PGM5: variants seen among roughly 807,000 people sequenced by gnomAD.
PGM5 encodes phosphoglucomutase 5, also known as phosphoglucomutase-like protein 5.
Under a neutral mutation model 59.2 loss-of-function variants are expected in PGM5, and 23 were observed. That is an observed-to-expected ratio of 0.39 (90% confidence interval 0.28 to 0.55). The LOEUF is 0.55. Among genes scored for constraint, PGM5 ranks in the 20% least tolerant of loss-of-function variants. The pLI is 0.66. For missense variants in PGM5, 574 were observed against 748.3 expected, an observed-to-expected ratio of 0.77 and a Z score of 2.72; for synonymous variants, 214 against 286.0, an observed-to-expected ratio of 0.75 and a Z score of 2.54.
chr9:68,374,261 C>T (rs1481630533), intron 1 of PGM5, among the ~76,000 whole-genome samples: 1 of 152,224 alleles, frequency 6.6e-6, no homozygotes, highest in Non-Finnish European at 1.5e-5. Context: ...AGGGCAGTGA[C>T]TAAATTATAT....
intron 10 of PGM5, among the ~76,000 whole-genome samples, chr9:68,522,662 TG>T (rs1309523839): frequency 2.6e-5 from 4 of 152,252 alleles, no homozygotes; most frequent in Admixed American, 6.5e-5. Flanking sequence ...TATTTTAATT[TG>T]CTTAAAATTT....
intron 6 of PGM5, among the ~76,000 whole-genome samples, chr9:68,430,886 A>G (rs1554682957): frequency 6.6e-6 from 1 of 152,234 alleles, no homozygotes; most frequent in African/African-American, 2.4e-5. Flanking sequence ...TAATTAGAGT[A>G]TTCATCATAA....
At chr9:68,438,286 CAAAAAAAAA>C (rs34047393) in intron 6 of PGM5, among the ~76,000 whole-genome samples, 10 of 34,830 alleles carry the variant, frequency 2.9e-4, no homozygotes, top group South Asian at 2.7e-3. Flanking sequence ...GAGACTCTGT[CAAAAAAAAA>C]AAAAAAAAAA....
intron 6 of PGM5, among the ~76,000 whole-genome samples, chr9:68,450,870 GA>G (rs1823686472): frequency 6.6e-6 from 1 of 152,220 alleles, no homozygotes; most frequent in African/African-American, 2.4e-5. Flanking sequence ...GAAATTGACA[GA>G]GAAAATGTGA....
intron 6 of PGM5, among the ~76,000 whole-genome samples, chr9:68,398,876 T>C (rs1480191471): frequency 2.0e-5 from 3 of 152,224 alleles, no homozygotes; most frequent in African/African-American, 7.2e-5. Flanking sequence ...ATACTCATCG[T>C]TGAACAATCC....
At chr9:68,377,626 T>C (rs1821955819) in intron 1 of PGM5, among the ~76,000 whole-genome samples, 1 of 152,168 alleles carries the variant, frequency 6.6e-6, no homozygotes, top group East Asian at 1.9e-4. Context: ...CATGACTGGG[T>C]AATTTCTCCA....
At chr9:68,487,625 C>T (rs1824318740) in intron 9 of PGM5, among the ~76,000 whole-genome samples, 1 of 152,098 alleles carries the variant, frequency 6.6e-6, no homozygotes, top group East Asian at 1.9e-4. Flanking sequence ...GATTGATGAT[C>T]CCAAGGTAGT....
At position 68,391,211 on chromosome 9, in the gene PGM5, A is replaced by C. The variant is rs1336632827; in HGVS notation, c.698-323A>C. Among the ~76,000 whole-genome samples the C allele has an allele frequency of 5.3e-5, 8 of 151,448 alleles. 1 individual carries two copies. The South Asian group carries it at 6.3e-4, about 12-fold the overall frequency. ...CATATATTCAGCTAAAACTTTTAAT[A>C]CATGAAAAGCAACAGACAATGAATC... is the stretch of plus-strand genomic sequence containing the variant. On this transcript the variant is annotated intron_variant, in intron 4 of 10. Coordinates refer to ENST00000396396, the MANE Select transcript of PGM5 (RefSeq NM_021965.4).
At chr9:68,468,996 C>A (rs1189176916) in intron 7 of PGM5, among the ~76,000 whole-genome samples, 5 of 152,216 alleles carry the variant, frequency 3.3e-5, no homozygotes, top group African/African-American at 1.2e-4. Context: ...CAGCTCACTG[C>A]AACCTCTGCT....
chr9:68,372,489 A>G, intron 1 of PGM5, among the ~76,000 whole-genome samples: 1 of 152,036 alleles, frequency 6.6e-6, no homozygotes, highest in Non-Finnish European at 1.5e-5. Flanking sequence ...TGGTACCATA[A>G]GGAGACTCAG....
rs781796598 is a variant in PGM5, at chr9:68,357,404, C to A, written c.261+16C>A. On this transcript the variant is annotated intron_variant, in intron 1 of 10. Coordinates refer to ENST00000396396, the MANE Select transcript of PGM5 (RefSeq NM_021965.4). ...GGCCAACGGGGTGAGTGTCCGGATG[C>A]CCCTCGCTTCCCGCCGCGCCGCCGC... 12 of 1,552,370 alleles carry A rather than the reference C, an allele frequency of 7.7e-6. No homozygotes were observed. The highest frequency in any genetic ancestry group is 2.4e-5 in the East Asian group (1 of 41,238).
intron 10 of PGM5, among the ~76,000 whole-genome samples, chr9:68,521,461 C>G (rs1824898790): frequency 6.6e-6 from 1 of 152,120 alleles, no homozygotes; most frequent in Non-Finnish European, 1.5e-5. Flanking sequence ...ACTGGAGAGG[C>G]AAAGGTCCTT....
chr9:68,423,771 C>T (rs1385143566), intron 6 of PGM5, among the ~76,000 whole-genome samples: 2 of 152,112 alleles, frequency 1.3e-5, no homozygotes, highest in Non-Finnish European at 2.9e-5. Flanking sequence ...CCCTCAAATA[C>T]TACACCATGT....
chr9:68,378,573 C>T (rs1554678048), intron 2 of PGM5, among the ~76,000 whole-genome samples: 1 of 152,026 alleles, frequency 6.6e-6, no homozygotes, highest in African/African-American at 2.4e-5. Flanking sequence ...TACTCTTCAG[C>T]ATAAACTATT....
intron 6 of PGM5, among the ~76,000 whole-genome samples, chr9:68,394,612 A>G (rs1482021845): frequency 4.0e-5 from 6 of 151,496 alleles, no homozygotes; most frequent in Non-Finnish European, 5.9e-5. Flanking sequence ...TTCAGATGAC[A>G]TAAAAATTAT....
chr9:68,480,013 G>A (rs1824170838), intron 8 of PGM5, among the ~76,000 whole-genome samples: 1 of 152,076 alleles, frequency 6.6e-6, no homozygotes, highest in Non-Finnish European at 1.5e-5. Context: ...ATAGTTGGGG[G>A]TGGTGTCAAA....
chr9:68,525,975 G>A (rs920591193), intron 10 of PGM5, among the ~76,000 whole-genome samples: 3 of 151,988 alleles, frequency 2.0e-5, no homozygotes, highest in South Asian at 4.2e-4. Flanking sequence ...AGAATGGCGT[G>A]AACCCGGGAG....
At chr9:68,480,315 T>A (rs1180499746) in intron 8 of PGM5, among the ~76,000 whole-genome samples, 3 of 152,202 alleles carry the variant, frequency 2.0e-5, no homozygotes, top group Non-Finnish European at 4.4e-5. Context: ...TCCTCACCAA[T>A]AATCAGATTC....
intron 10 of PGM5, among the ~76,000 whole-genome samples, chr9:68,507,714 C>T (rs564772512): frequency 6.6e-6 from 1 of 151,996 alleles, no homozygotes; most frequent in East Asian, 1.9e-4. Flanking sequence ...CGGAATTAAA[C>T]TTGGAAAGAT....
Sources: allele counts gnomAD v4.1 joint callset (sites outside exome capture counted in the v4.1 genomes callset), GRCh38; gene constraint gnomAD v4.1.1; transcripts MANE v1.5; gene names NCBI Gene and HGNC (gene_info 2026-07-23, HGNC 2026-07-21).